The following NEK4 variants were observed in gnomAD, a reference collection of about 807,000 sequenced individuals.
The protein encoded by NEK4 is NIMA related kinase 4, also known as serine/threonine-protein kinase Nek4.
A neutral mutation model predicts 98.4 loss-of-function variants in NEK4; 86 were observed. That is an observed-to-expected ratio of 0.87 (90% CI 0.73 to 1.05). The LOEUF (loss-of-function observed/expected upper bound fraction) is 1.05. NEK4 is among the 50% of genes least tolerant of loss of function. The probability of loss-of-function intolerance (pLI) is 0.00; values close to 1 mark genes in which losing one functional copy is unlikely to be tolerated. For missense variants in NEK4, 898 were observed against 950.3 expected, an observed-to-expected ratio of 0.94 and a Z score of 0.72; for synonymous variants, 328 against 342.2, an observed-to-expected ratio of 0.96 and a Z score of 0.46.
Position 52,770,865 on chromosome 3 carries a change from C to G in NEK4, c.-119G>C. The G allele has an allele frequency of 3.8e-5, 31 of 825,872 alleles. No homozygotes were observed. The African/African-American group carries it at 4.7e-4, about 12-fold the overall frequency. 51.2% of individuals were successfully genotyped at this position (825,872 alleles called of 1,614,324 possible). Reference sequence around the variant, plus strand: ...CAGTGGGGGCGGCTGTTGAGGCAGCCGGGCCCGGGCGGGATTGCTGGGGCC... The same window carrying G: ...CAGTGGGGGCGGCTGTTGAGGCAGCGGGGCCCGGGCGGGATTGCTGGGGCC... On this transcript the variant is annotated 5_prime_UTR_variant, in exon 1 of 16. Transcript: ENST00000233027.
intron 6 of NEK4, chr3:52,754,200 T>A (rs2097410661): frequency 3.4e-6 from 1 of 291,438 alleles, no homozygotes; most frequent in Non-Finnish European, 6.8e-6. Context: ...GCAGTTTACA[T>A]CCATCCCTAA....
Position 52,711,785 on chromosome 3 carries a change from T to C in NEK4, c.2518A>G (p.Asn840Asp). The C allele has an allele frequency of 6.2e-7, 1 of 1,603,578 alleles. No homozygotes were observed. The highest frequency in any genetic ancestry group is 8.5e-7 in the Non-Finnish European group (1 of 1,171,278). ...CAGATTAGGACAAATGCTCAAAAAT[T>C]CATGTTTTCTTCAAAAAATTTCAAC... ...RQLKFFEENM[N>D]F The change falls in exon 16 of 16, where the codon AAT becomes GAT. Residue 840 changes from asparagine (N) to aspartate (D), a missense_variant. Transcript: ENST00000233027.
At chr3:52,749,280 G>A (rs1185977417) in intron 8 of NEK4, among the ~76,000 whole-genome samples, 1 of 151,534 alleles carries the variant, frequency 6.6e-6, no homozygotes, top group Non-Finnish European at 1.5e-5. Context: ...TTACAGGCTC[G>A]TGCCACCATG....
rs1480067148 is a variant in NEK4, at chr3:52,768,543, T to TAGG, written c.154_155insCCT (p.Gln52delinsProTer). 6.2e-7 allele frequency: 1 copy of TAGG among 1,614,224 alleles called. No individual in the cohort carries two copies. The highest frequency in any genetic ancestry group is 1.3e-5 in the African/African-American group (1 of 75,052). ...CAACTGAGACAAGAGCTGGGCTTCCTGTTCAGCAGCTCGCCGCTCTCGGCT... is the reference window on the plus strand; with the variant it reads ...CAACTGAGACAAGAGCTGGGCTTCCTAGGGTTCAGCAGCTCGCCGCTCTCGGCT... On this transcript the variant is annotated stop_gained and protein_altering_variant, in exon 2 of 16. Transcript: ENST00000233027. LOFTEE classifies it high-confidence loss of function.
intron 15 of NEK4, among the ~76,000 whole-genome samples, chr3:52,734,302 T>C (rs2097372856): frequency 6.6e-6 from 1 of 151,722 alleles, no homozygotes; most frequent in Non-Finnish European, 1.5e-5. Context: ...ATACAACAAT[T>C]AGCCAGGTGT....
intron 15 of NEK4, among the ~76,000 whole-genome samples, chr3:52,720,451 C>G (rs1274335913): frequency 3.3e-5 from 5 of 152,074 alleles, no homozygotes; most frequent in African/African-American, 1.2e-4. Flanking sequence ...AGGATAAACT[C>G]AAAGAGATCC....
At chr3:52,754,176 G>A (rs1361271204) in intron 6 of NEK4, 1 of 267,778 alleles carries the variant, frequency 3.7e-6, no homozygotes, top group Non-Finnish European at 7.4e-6. Flanking sequence ...ACAAAAGATG[G>A]TGTATTTAAG....
chr3:52,715,760 C>T (rs2154101880), intron 15 of NEK4, among the ~76,000 whole-genome samples: 1 of 152,328 alleles, frequency 6.6e-6, no homozygotes, highest in Middle Eastern at 3.4e-3. Flanking sequence ...CCTTCCTGGT[C>T]ACAGGACAAG....
At position 52,736,572 on chromosome 3, in the gene NEK4, C is replaced by T. The variant is rs561466527; in HGVS notation, c.2433+1014G>A. On this transcript the variant is annotated intron_variant, in intron 15 of 15. Transcript: ENST00000233027. The stretch of plus-strand genomic sequence containing the variant: ...CTGCACTCCAGCCTAGGTGACAGAG[C>T]GAGACTCCGTCTCATAAAAAAAAAA... 2.7e-5 allele frequency among the ~76,000 whole-genome samples: 4 copies of T among 148,586 alleles called. 1 individual carries two copies. The East Asian group carries it at 5.9e-4, about 22-fold the overall frequency.
chr3:52,753,528 G>T, intron 6 of NEK4: 1 of 490,914 alleles, frequency 2.0e-6, no homozygotes, highest in Non-Finnish European at 4.1e-6. Flanking sequence ...TACACATTAT[G>T]TACTCTTTCT....
At chr3:52,719,486 G>C (rs1242742050) in intron 15 of NEK4, among the ~76,000 whole-genome samples, 2 of 151,864 alleles carry the variant, frequency 1.3e-5, no homozygotes, top group African/African-American at 2.4e-5. Context: ...GGAAGGCTGA[G>C]GCAGGAGAAT....
intron 2 of NEK4, among the ~76,000 whole-genome samples, chr3:52,766,676 C>T (rs1361523152): frequency 6.6e-6 from 1 of 152,254 alleles, no homozygotes; most frequent in East Asian, 1.9e-4. Flanking sequence ...TTTGGCATTA[C>T]ATGAATCCAG....
rs146702577 is a variant in NEK4, at chr3:52,751,995, C to T, written c.1305G>A (p.Gly435=). ...IPMWSSDIVT[G]EKNEPVKPLQ... ...GAGGCTTCACTGGTTCATTCTTTTCCCCAGTGACAATGTCAGAGGACCACA... is the reference window on the plus strand; with the variant it reads ...GAGGCTTCACTGGTTCATTCTTTTCTCCAGTGACAATGTCAGAGGACCACA... Residue 435 remains glycine (G), a synonymous_variant, in exon 7 of 16, where the codon GGG becomes GGA. Transcript: ENST00000233027. 38 of 1,613,950 alleles carry T rather than the reference C, an allele frequency of 2.4e-5. No homozygotes were observed. The African/African-American group carries it at 4.0e-4, about 17-fold the overall frequency.
chr3:52,719,678 G>T (rs1255504415), intron 15 of NEK4, among the ~76,000 whole-genome samples: 4 of 150,856 alleles, frequency 2.7e-5, no homozygotes, highest in African/African-American at 7.3e-5. Flanking sequence ...AGTAAAGAAA[G>T]GTATAATGAC....
rs2154101437 is a variant in NEK4 at position 52,708,921 on chromosome 3, C to G, written c.*2856G>C. 1 of 152,212 alleles carries G rather than the reference C, an allele frequency of 6.6e-6. No homozygotes were observed. The highest frequency in any genetic ancestry group is 1.5e-5 in the Non-Finnish European group (1 of 68,020). 9.4% of individuals were successfully genotyped at this position (152,212 alleles called of 1,614,324 possible). A position where few individuals can be genotyped will look rare whatever the true frequency, so the allele number is the denominator to read the frequency against. The stretch of plus-strand genomic sequence containing the variant: ...ACACTTTAGGCCAGGCATGGTGCCT[C>G]AAGCCTGTAATCCCAGCATTTAGGG... On this transcript the variant is annotated 3_prime_UTR_variant, in exon 16 of 16. Transcript: ENST00000233027.
chr3:52,750,337 C>T (rs1471566577), intron 7 of NEK4, among the ~76,000 whole-genome samples: 1 of 152,118 alleles, frequency 6.6e-6, no homozygotes, highest in Non-Finnish European at 1.5e-5. Flanking sequence ...CACTTGAGGT[C>T]AGGAGTTTGA....
chr3:52,749,498 A>G (rs1029308500), intron 8 of NEK4, among the ~76,000 whole-genome samples, 194 bp downstream of exon 8: 4 of 152,090 alleles, frequency 2.6e-5, no homozygotes, highest in African/African-American at 9.7e-5. Context: ...GAATTCAAAT[A>G]GATTATTTCT....
rs747683504 is a variant in NEK4, at chr3:52,739,479, C to T, written c.2249G>A (p.Gly750Glu). 212 of 1,614,020 alleles carry T rather than the reference C, an allele frequency of 1.3e-4. No homozygotes were observed. The highest frequency in any genetic ancestry group is 1.7e-4 in the Non-Finnish European group (202 of 1,180,004). Reference protein sequence around the residue: ...RKYRDTLILHGKVAEEAEEIH... With the variant: ...RKYRDTLILHEKVAEEAEEIH... ...TTCCTCTGCCTCTTCTGCAACCTTCCCATGAAGTATCAGTGTGTCCCGATA... is the reference window on the plus strand; with the variant it reads ...TTCCTCTGCCTCTTCTGCAACCTTCTCATGAAGTATCAGTGTGTCCCGATA... Residue 750 changes from glycine to glutamate, a missense_variant, in exon 14 of 16, where the codon GGG becomes GAG. Coordinates refer to ENST00000233027, the MANE Select transcript of NEK4 (RefSeq NM_003157.6).
intron 5 of NEK4, among the ~76,000 whole-genome samples, chr3:52,761,241 A>G (rs761204526): frequency 4.6e-5 from 7 of 152,216 alleles, no homozygotes; most frequent in Non-Finnish European, 1.0e-4. Context: ...GTGAAAGCCA[A>G]AGAAAGTCTG....
Sources: gnomAD v4.1 joint callset for allele counts (sites outside exome capture counted in the v4.1 genomes callset) on GRCh38, gnomAD v4.1.1 for gene constraint, MANE v1.5 for transcripts, NCBI Gene and HGNC (gene_info 2026-07-23, HGNC 2026-07-21) for gene names.